Variants in NRXN1 observed in about 807,000 individuals in gnomAD.
NRXN1 encodes the protein neurexin-1.
A neutral mutation model predicts 150.9 loss-of-function variants in NRXN1; 39 were observed. That is an observed-to-expected ratio of 0.26 (90% CI 0.20 to 0.34). The LOEUF is 0.34. Among genes scored for constraint, NRXN1 ranks in the 10% least tolerant of loss-of-function variants. The pLI is 1.00. For missense variants in NRXN1, 1,815 were observed against 1,949.9 expected (o/e 0.93, Z 1.30); for synonymous variants, 924 against 757.0 (o/e 1.22, Z -3.62).
At chr2:50,688,015 G>A (rs1691506893) in intron 5 of NRXN1, among the ~76,000 whole-genome samples, 1 of 152,172 alleles carries the variant, frequency 6.6e-6, no homozygotes. Context: ...TAGGTAAAAT[G>A]TATGGATTCC....
At chr2:50,525,596 A>C (rs2092929836) in intron 12 of NRXN1, among the ~76,000 whole-genome samples, 2 of 152,212 alleles carry the variant, frequency 1.3e-5, no homozygotes, top group Non-Finnish European at 2.9e-5. Flanking sequence ...TAAGCTAATG[A>C]GCATCAATAA....
chr2:50,411,660 G>A (rs2083185421), intron 17 of NRXN1, among the ~76,000 whole-genome samples: 1 of 150,446 alleles, frequency 6.6e-6, no homozygotes, highest in Non-Finnish European at 1.5e-5. Flanking sequence ...GAAGTGAGGA[G>A]CCCCTCCGCC....
At chr2:50,474,316 T>C (rs2089785273) in intron 15 of NRXN1, among the ~76,000 whole-genome samples, 1 of 151,756 alleles carries the variant, frequency 6.6e-6, no homozygotes, top group South Asian at 2.1e-4. Flanking sequence ...AGGAATGAAA[T>C]AGAATACATT....
intron 21 of NRXN1, among the ~76,000 whole-genome samples, chr2:49,975,391 G>A (rs1162598268): frequency 1.3e-5 from 2 of 152,042 alleles, no homozygotes; most frequent in African/African-American, 4.8e-5. Context: ...TAGAAAAAAA[G>A]TGTATTGGAA....
Position 50,346,196 on chromosome 2 carries a change from C to G in NRXN1, c.3365-109226G>C, listed in dbSNP as rs2077951176. ...TCGCTGTCACTGCAGTCTGGGCGCA[C>G]TTTGGAGGAATGTGCGGGCTGGAAT... On this transcript the variant is annotated intron_variant, in intron 17 of 22. Transcript: ENST00000401669. This position sits in a 1 kb window ranked among gnomAD's most constrained non-coding sequence, Gnocchi z 5.0. 6.6e-6 allele frequency among the ~76,000 whole-genome samples: 1 copy of G among 152,192 alleles called. No individual in the cohort carries two copies. The highest frequency in any genetic ancestry group is 1.5e-5 in the Non-Finnish European group (1 of 68,040).
At chr2:50,520,553 T>C (rs1175372065) in intron 12 of NRXN1, among the ~76,000 whole-genome samples, 1 of 151,956 alleles carries the variant, frequency 6.6e-6, no homozygotes, top group African/African-American at 2.4e-5. Context: ...AAAGCAATTT[T>C]GTTATGAAGG....
chr2:50,595,617 T>C (rs764329519), intron 8 of NRXN1, among the ~76,000 whole-genome samples: 10 of 152,046 alleles, frequency 6.6e-5, no homozygotes, highest in Non-Finnish European at 1.5e-4. Context: ...CTGAGATTAA[T>C]AGAAACGGAT....
intron 18 of NRXN1, among the ~76,000 whole-genome samples, chr2:50,187,359 T>C (rs1465981632): frequency 1.3e-5 from 2 of 152,100 alleles, no homozygotes; most frequent in Non-Finnish European, 2.9e-5. Flanking sequence ...AATTTTCCCA[T>C]TTCTCCACAA....
intron 18 of NRXN1, among the ~76,000 whole-genome samples, chr2:50,167,186 T>C (rs1178641411): frequency 1.3e-5 from 2 of 152,100 alleles, no homozygotes; most frequent in Non-Finnish European, 2.9e-5. Flanking sequence ...AAAAGAAAAC[T>C]ACAGAGATAA....
intron 18 of NRXN1, among the ~76,000 whole-genome samples, chr2:50,136,616 T>C (rs1330979886): frequency 6.6e-6 from 1 of 152,166 alleles, no homozygotes; most frequent in Non-Finnish European, 1.5e-5. Flanking sequence ...GGATGTATTA[T>C]ACATTGCTTA....
intron 17 of NRXN1, among the ~76,000 whole-genome samples, chr2:50,307,984 G>A (rs1276340317): frequency 1.3e-5 from 2 of 152,176 alleles, no homozygotes; most frequent in Admixed American, 6.5e-5. Context: ...CGTATTTAAT[G>A]TGTACAACAT....
rs188120911 is a variant in NRXN1 at position 50,679,219 on chromosome 2, G to A, written c.833-55604C>T. On this transcript the variant is annotated intron_variant, in intron 5 of 22. Transcript: ENST00000401669. ...AAACAATGAGATAGATACCAAGTAGGGACTCCAGGTGATGGGATAGGTTTT... is the reference window on the plus strand; with the variant it reads ...AAACAATGAGATAGATACCAAGTAGAGACTCCAGGTGATGGGATAGGTTTT... Among the ~76,000 whole-genome samples, 61 of 152,144 alleles carry A rather than the reference G, an allele frequency of 4.0e-4. 1 individual carries two copies. The highest frequency in any genetic ancestry group is 1.4e-3 in the African/African-American group (60 of 41,544).
chr2:50,340,363 C>T (rs544083622), intron 17 of NRXN1, among the ~76,000 whole-genome samples: 1 of 152,044 alleles, frequency 6.6e-6, no homozygotes, highest in East Asian at 1.9e-4. Context: ...CCTACATAGA[C>T]CAGAAAGGGC....
At chr2:51,016,341 T>C (rs1356067384) in intron 2 of NRXN1, among the ~76,000 whole-genome samples, 3 of 152,060 alleles carry the variant, frequency 2.0e-5, no homozygotes, top group Admixed American at 1.3e-4. Flanking sequence ...TGGGAGAAAA[T>C]TTTTGAAATC....
chr2:50,411,942 T>C (rs1382607083), intron 17 of NRXN1, among the ~76,000 whole-genome samples: 1 of 152,150 alleles, frequency 6.6e-6, no homozygotes, highest in Non-Finnish European at 1.5e-5. Flanking sequence ...GAAGTAGACA[T>C]AGGAGACTCC....
intron 5 of NRXN1, among the ~76,000 whole-genome samples, chr2:50,808,787 G>A (rs779622030): frequency 1.5e-4 from 23 of 152,058 alleles, no homozygotes; most frequent in African/African-American, 3.9e-4. Context: ...ATATTTCTTC[G>A]CTGAGAAGAT....
chr2:50,353,658 T>C (rs550022650), intron 17 of NRXN1, among the ~76,000 whole-genome samples: 1 of 152,278 alleles, frequency 6.6e-6, no homozygotes, highest in Non-Finnish European at 1.5e-5. Context: ...GTACTTAGTT[T>C]AGCTTATTTA....
chr2:50,709,017 A>T (rs1694801051), intron 5 of NRXN1, among the ~76,000 whole-genome samples: 1 of 152,074 alleles, frequency 6.6e-6, no homozygotes, highest in South Asian at 2.1e-4. Flanking sequence ...TCTAACAGGG[A>T]CTGTCCTCTG....
At chr2:50,073,538 A>G (rs1358707396) in intron 19 of NRXN1, among the ~76,000 whole-genome samples, 5 of 152,120 alleles carry the variant, frequency 3.3e-5, no homozygotes, top group African/African-American at 1.2e-4. Flanking sequence ...TTTGCCTTCT[A>G]TTCCTTTCAA....
Sources: gnomAD v4.1 joint callset for allele counts (sites outside exome capture counted in the v4.1 genomes callset) on GRCh38, gnomAD v4.1.1 for gene constraint, Gnocchi (gnomAD v3.1) non-coding constraint, MANE v1.5 for transcripts, NCBI Gene and HGNC (gene_info 2026-07-23, HGNC 2026-07-21) for gene names.